Variants in UBR1 observed in about 807,000 individuals in gnomAD.
UBR1 encodes the protein ubiquitin protein ligase E3 component n-recognin 1.
Under a neutral mutation model 242.1 loss-of-function variants are expected in UBR1, and 102 were observed. That is an observed-to-expected ratio of 0.42 (90% CI 0.36 to 0.50). The LOEUF is 0.50. Among genes scored for constraint, UBR1 ranks in the 20% least tolerant of loss-of-function variants. The pLI is 0.01. For missense variants in UBR1, 1,772 were observed against 2,101.8 expected (o/e 0.84, Z 3.07); for synonymous variants, 675 against 684.8 (o/e 0.99, Z 0.22).
At chr15:43,074,875 A>C (rs879890426) in intron 4 of UBR1, 104 bp downstream of exon 4, 16 of 981,340 alleles carry the variant, frequency 1.6e-5, no homozygotes, top group Non-Finnish European at 2.3e-5. Flanking sequence ...ATGAGAATAA[A>C]AACAGCAGGG....
At chr15:43,036,059 C>G (rs2033331212) in intron 19 of UBR1, 119 bp downstream of exon 19, 4 of 836,548 alleles carry the variant, frequency 4.8e-6, no homozygotes, top group Non-Finnish European at 1.9e-6. Flanking sequence ...TGCACATGTA[C>G]CCTAAAACTT....
At chr15:43,014,303 C>T (rs1272552605) in intron 29 of UBR1, among the ~76,000 whole-genome samples, 2 of 152,210 alleles carry the variant, frequency 1.3e-5, no homozygotes, top group African/African-American at 4.8e-5. Context: ...CCAGCCGCCA[C>T]CCCGTCTGGG....
intron 42 of UBR1, 88 bp from the exon 43 acceptor site, chr15:42,960,789 G>T: frequency 7.3e-7 from 1 of 1,366,392 alleles, no homozygotes; most frequent in Non-Finnish European, 1.0e-6. Context: ...TTTTTTTTGA[G>T]ATGGATTCTC....
At chr15:43,072,989 C>A (rs1489158031) in intron 4 of UBR1, among the ~76,000 whole-genome samples, 2 of 151,960 alleles carry the variant, frequency 1.3e-5, no homozygotes, top group Non-Finnish European at 2.9e-5. Flanking sequence ...TGATGAAACC[C>A]CATCTCTACT....
At chr15:43,028,578 C>G (rs1021442241) in intron 21 of UBR1, among the ~76,000 whole-genome samples, 14 of 151,426 alleles carry the variant, frequency 9.2e-5, no homozygotes, top group African/African-American at 3.4e-4. Flanking sequence ...AACCCTGTCT[C>G]TACTAAAAAT....
At chr15:42,975,598 C>T (rs978900652) in intron 39 of UBR1, among the ~76,000 whole-genome samples, 1 of 152,190 alleles carries the variant, frequency 6.6e-6, no homozygotes, top group Non-Finnish European at 1.5e-5. Context: ...TTTATTCTGA[C>T]ATCACTTTAA....
chr15:43,083,935 T>C (rs1485397447), intron 2 of UBR1, among the ~76,000 whole-genome samples: 4 of 151,848 alleles, frequency 2.6e-5, no homozygotes, highest in African/African-American at 9.7e-5. Flanking sequence ...GCCCAGCTAC[T>C]CAGGAGGTTG....
chr15:42,992,789 T>C (rs774102505), intron 33 of UBR1, among the ~76,000 whole-genome samples: 1 of 152,228 alleles, frequency 6.6e-6, no homozygotes. Context: ...CAGAATGACA[T>C]GTTTTTCTCA....
Position 42,977,934 on chromosome 15 carries a change from G to C in UBR1, c.4164C>G (p.Asn1388Lys), listed in dbSNP as rs754951007. 2.5e-6 allele frequency: 4 copies of C among 1,612,668 alleles called. No individual in the cohort carries two copies. Among genetic ancestry groups the C allele is most frequent in the Non-Finnish European group, 2.5e-6 (3 of 1,178,956 alleles). ...LVRLLSVVLP[N>K]IKSEDTPCLL... ...GGCATGGTGTATCTTCTGATTTTATGTTAGGAAGAACAACTAAAACAAACA... is the reference window on the plus strand; with the variant it reads ...GGCATGGTGTATCTTCTGATTTTATCTTAGGAAGAACAACTAAAACAAACA... The change falls in exon 38 of 47, where the codon AAC becomes AAG. Residue 1388 changes from asparagine (N) to lysine (K), a missense_variant. Asn to Lys is a moderately conservative substitution (Grantham distance 94, BLOSUM62 0). Transcript: ENST00000290650.
At position 42,988,870 on chromosome 15, in the gene UBR1, G is replaced by A. The variant is rs373699629; in HGVS notation, c.3946C>T (p.Arg1316Ter). 3 of 1,614,172 alleles carry A rather than the reference G, an allele frequency of 1.9e-6. No homozygotes were observed. Among genetic ancestry groups the A allele is most frequent in the Non-Finnish European group, 2.5e-6 (3 of 1,180,030 alleles). Residue 1316 changes from arginine to a stop codon, truncating the protein, a stop_gained, in exon 35 of 47, where the codon CGA becomes TGA. Transcript: ENST00000290650. LOFTEE classifies it high-confidence loss of function. ...GTGCTCCAGGTCAGCATGGGGACTC[G>A]AGGATCCCTTTCATCAGGTGGCACT... is the stretch of plus-strand genomic sequence containing the variant. ...LKVPPDERDP[R>*]VPMLTWSTCA...
intron 32 of UBR1, among the ~76,000 whole-genome samples, chr15:43,001,993 A>G (rs967984642): frequency 6.6e-6 from 1 of 152,242 alleles, no homozygotes; most frequent in Non-Finnish European, 1.5e-5. Flanking sequence ...GTGCTAAGGC[A>G]GAAGTCAGAG....
At chr15:43,024,708 A>T in intron 25 of UBR1, 121 bp downstream of exon 25, 1 of 1,389,844 alleles carries the variant, frequency 7.2e-7, no homozygotes, top group Non-Finnish European at 1.0e-6. Context: ...AGCTATTTTT[A>T]ATGACCCCTA....
intron 12 of UBR1, among the ~76,000 whole-genome samples, chr15:43,049,796 T>C (rs1302445887): frequency 6.6e-6 from 1 of 152,172 alleles, no homozygotes; most frequent in African/African-American, 2.4e-5. Context: ...GTTTAAAATC[T>C]GCCACATTGA....
At chr15:42,986,466 T>C (rs1045025374) in intron 35 of UBR1, among the ~76,000 whole-genome samples, 8 of 152,320 alleles carry the variant, frequency 5.3e-5, no homozygotes, top group Admixed American at 4.6e-4. Context: ...GGTCTAAATA[T>C]AAATTCTTGA....
chr15:43,089,480 G>A (rs1336220916), intron 1 of UBR1, among the ~76,000 whole-genome samples: 1 of 152,176 alleles, frequency 6.6e-6, no homozygotes, highest in Non-Finnish European at 1.5e-5. Flanking sequence ...GGGCGACAGA[G>A]CGAGAGTCCA....
intron 9 of UBR1, among the ~76,000 whole-genome samples, chr15:43,058,734 C>T (rs973039534): frequency 2.6e-5 from 4 of 152,094 alleles, no homozygotes; most frequent in African/African-American, 2.4e-5. Flanking sequence ...TAGCCTTTTA[C>T]GTTTTGTTCT....
chr15:43,025,134 T>A (rs1163134906), intron 24 of UBR1, 151 bp from the exon 25 acceptor site: 2 of 1,047,172 alleles, frequency 1.9e-6, no homozygotes, highest in East Asian at 2.6e-5. Flanking sequence ...ACTGAAAATA[T>A]CAATGTTAAG....
chr15:43,049,466 A>G (rs977572617), intron 12 of UBR1, among the ~76,000 whole-genome samples: 37 of 152,100 alleles, frequency 2.4e-4, no homozygotes, highest in Non-Finnish European at 3.8e-4. Context: ...GGGAGGCTGA[A>G]GCAGGAGAAT....
At chr15:43,046,944 C>G (rs901178162) in intron 14 of UBR1, among the ~76,000 whole-genome samples, 24 of 152,094 alleles carry the variant, frequency 1.6e-4, no homozygotes, top group African/African-American at 5.8e-4. Flanking sequence ...TGTATAAACC[C>G]TGCTATTCCC....
Sources: allele counts gnomAD v4.1 joint callset (sites outside exome capture counted in the v4.1 genomes callset), GRCh38; gene constraint gnomAD v4.1.1; transcripts MANE v1.5; gene names NCBI Gene and HGNC (gene_info 2026-07-23, HGNC 2026-07-21).